Variants in FAM168A observed in about 807,000 individuals in gnomAD.
FAM168A encodes the protein protein FAM168A.
In FAM168A, 3 loss-of-function variants were observed where a neutral mutation model predicts 28.5. That is an observed-to-expected ratio of 0.11 (90% CI 0.05 to 0.27). The LOEUF is 0.27. Among genes scored for constraint, FAM168A ranks in the 10% least tolerant of loss-of-function variants. The probability of loss-of-function intolerance (pLI) is 1.00; values close to 1 mark genes in which losing one functional copy is unlikely to be tolerated. For missense variants in FAM168A, 222 were observed against 311.5 expected (o/e 0.71, Z 2.16); for synonymous variants, 122 against 124.2 (o/e 0.98, Z 0.12).
At chr11:73,556,840 G>A (rs1943897268) in intron 1 of FAM168A, among the ~76,000 whole-genome samples, 1 of 151,796 alleles carries the variant, frequency 6.6e-6, no homozygotes, top group Non-Finnish European at 1.5e-5. Context: ...GGCCAACATG[G>A]CAAAACCCTG....
At chr11:73,550,383 G>A (rs1426356444) in intron 1 of FAM168A, among the ~76,000 whole-genome samples, 1 of 152,224 alleles carries the variant, frequency 6.6e-6, no homozygotes, top group Non-Finnish European at 1.5e-5. Context: ...GCCAGGCTTG[G>A]TGGCTCATGC....
At chr11:73,578,460 A>G (rs1483913325) in intron 1 of FAM168A, among the ~76,000 whole-genome samples, 3 of 152,142 alleles carry the variant, frequency 2.0e-5, no homozygotes, top group African/African-American at 4.8e-5. Flanking sequence ...TTTTACTTCA[A>G]TGAAGCTGTT....
intron 1 of FAM168A, among the ~76,000 whole-genome samples, chr11:73,555,626 T>C (rs1393831302): frequency 1.3e-5 from 2 of 151,476 alleles, no homozygotes; most frequent in Non-Finnish European, 2.9e-5. Flanking sequence ...AAGAATTGCT[T>C]GAACCCGGGA....
chr11:73,478,208 T>C (rs980645430), intron 1 of FAM168A, among the ~76,000 whole-genome samples: 1 of 152,132 alleles, frequency 6.6e-6, no homozygotes, highest in Admixed American at 6.6e-5. Flanking sequence ...TTATAATAAA[T>C]TAAGATGCAT....
Position 73,411,684 on chromosome 11 carries a change from A to T in FAM168A, c.278-148T>A, listed in dbSNP as rs2096440650. The T allele has an allele frequency of 5.8e-6, 5 of 861,366 alleles. No homozygotes were observed. In the Admixed American group the frequency reaches 1.0e-4, roughly 18 times the overall value. 53.4% of individuals were successfully genotyped at this position (861,366 alleles called of 1,614,324 possible). ...GAGAACAAACAGAGAACAGGGCTCC[A>T]CCCAGAAAGCCCTGGCCCCAGAGGC... On this transcript the variant is annotated intron_variant, in intron 4 of 7. Coordinates refer to ENST00000356467, the MANE Select transcript of FAM168A (RefSeq NM_015159.3).
At chr11:73,524,731 C>T (rs1386641306) in intron 1 of FAM168A, among the ~76,000 whole-genome samples, 2 of 151,966 alleles carry the variant, frequency 1.3e-5, no homozygotes, top group South Asian at 2.1e-4. Context: ...CCAAGTAGCT[C>T]GGATTACAAG....
chr11:73,499,389 G>C (rs1427770080), intron 1 of FAM168A, among the ~76,000 whole-genome samples: 1 of 152,082 alleles, frequency 6.6e-6, no homozygotes, highest in Non-Finnish European at 1.5e-5. Flanking sequence ...CTCAAAGACT[G>C]AACTAGACAA....
In FAM168A at chr11:73,498,249, C is replaced by T. The variant is rs556215724; in HGVS notation, c.-18-29757G>A. Among the ~76,000 whole-genome samples, 552 of 152,186 alleles carry T rather than the reference C, an allele frequency of 3.6e-3. 2 individuals are homozygous for T. Among genetic ancestry groups the T allele is most frequent in the African/African-American group, 0.012 (519 of 41,526 alleles). ...TCATCAAAATTGACTAGAAGGCTGG[C>T]GTGACCCATGGAGAAAAGGAAGAGC... On this transcript the variant is annotated intron_variant, in intron 1 of 7. Coordinates refer to ENST00000356467, the MANE Select transcript of FAM168A (RefSeq NM_015159.3).
intron 2 of FAM168A, among the ~76,000 whole-genome samples, chr11:73,458,403 T>C (rs1867579219): frequency 1.3e-5 from 2 of 152,170 alleles, no homozygotes; most frequent in Admixed American, 1.3e-4. Flanking sequence ...AGCAAACACA[T>C]AGTTTAATGT....
At chr11:73,516,190 T>C (rs762176167) in intron 1 of FAM168A, among the ~76,000 whole-genome samples, 1 of 151,746 alleles carries the variant, frequency 6.6e-6, no homozygotes, top group African/African-American at 2.4e-5. Flanking sequence ...ATCTGGGAGC[T>C]CTATAAAATG....
chr11:73,590,342 G>C (rs1944366332), intron 1 of FAM168A, among the ~76,000 whole-genome samples: 1 of 152,230 alleles, frequency 6.6e-6, no homozygotes, highest in Admixed American at 6.5e-5. Context: ...GGTCAAGGCT[G>C]CAGTGAGCCA....
intron 1 of FAM168A, among the ~76,000 whole-genome samples, chr11:73,493,047 G>A (rs1324737108): frequency 6.6e-6 from 1 of 152,118 alleles, no homozygotes; most frequent in Non-Finnish European, 1.5e-5. Flanking sequence ...AGGATGGACT[G>A]AAAAACTACC....
In FAM168A at chr11:73,515,917, G is replaced by A. The variant is rs573324790; in HGVS notation, c.-18-47425C>T. On this transcript the variant is annotated intron_variant, in intron 1 of 7. Coordinates refer to ENST00000356467, the MANE Select transcript of FAM168A (RefSeq NM_015159.3). ...GGAGATCGAGACCATCCTGGCCAACGTGGTGAAACCCCGTCTCTACGAAAA... is the reference window on the plus strand; with the variant it reads ...GGAGATCGAGACCATCCTGGCCAACATGGTGAAACCCCGTCTCTACGAAAA... Among the ~76,000 whole-genome samples the A allele has an allele frequency of 2.2e-3, 341 of 151,946 alleles. 10 individuals are homozygous for A. Among genetic ancestry groups the A allele is most frequent in the Middle Eastern group, 6.8e-3 (2 of 294 alleles).
chr11:73,487,534 G>A (rs1276164913), intron 1 of FAM168A, among the ~76,000 whole-genome samples: 1 of 152,052 alleles, frequency 6.6e-6, no homozygotes, highest in Non-Finnish European at 1.5e-5. Context: ...CTAGCTCACT[G>A]TCATTCTCTC....
At chr11:73,514,581 C>T (rs962461125) in intron 1 of FAM168A, among the ~76,000 whole-genome samples, 2 of 152,086 alleles carry the variant, frequency 1.3e-5, no homozygotes, top group Non-Finnish European at 2.9e-5. Flanking sequence ...ATCTGTAATC[C>T]CAACACTTGG....
chr11:73,493,694 G>A (rs115036246), intron 1 of FAM168A, among the ~76,000 whole-genome samples: 2,419 of 152,300 alleles, frequency 0.016, 64 homozygotes, highest in African/African-American at 0.056. Flanking sequence ...TGGGATTACA[G>A]GCATGAGCCA....
At chr11:73,443,738 C>T (rs553646402) in intron 2 of FAM168A, among the ~76,000 whole-genome samples, 220 of 152,224 alleles carry the variant, frequency 1.4e-3, no homozygotes, top group Non-Finnish European at 2.5e-3. Flanking sequence ...TGACTTTGGG[C>T]AAATCACTTC....
intron 1 of FAM168A, among the ~76,000 whole-genome samples, chr11:73,515,886 A>T (rs1285813771): frequency 6.6e-6 from 1 of 152,020 alleles, no homozygotes; most frequent in African/African-American, 2.4e-5. Context: ...GCGGATCACA[A>T]GGTCAGGAGA....
intron 1 of FAM168A, among the ~76,000 whole-genome samples, chr11:73,547,449 C>T (rs928858947): frequency 6.6e-6 from 1 of 152,100 alleles, no homozygotes; most frequent in African/African-American, 2.4e-5. Context: ...AGTATATCTG[C>T]TTGCAGGAAG....
Sources: allele counts gnomAD v4.1 joint callset (sites outside exome capture counted in the v4.1 genomes callset), GRCh38; gene constraint gnomAD v4.1.1; transcripts MANE v1.5; gene names NCBI Gene and HGNC (gene_info 2026-07-23, HGNC 2026-07-21).